The following NDUFA7 variants were observed in gnomAD, a reference collection of about 807,000 sequenced individuals.
NDUFA7 encodes the protein NADH:ubiquinone oxidoreductase subunit A7, also known as NADH dehydrogenase [ubiquinone] 1 alpha subcomplex subunit 7.
In NDUFA7, 18 loss-of-function variants were observed where a neutral mutation model predicts 14.2. That is an observed-to-expected ratio of 1.27 (90% CI 0.88 to 1.88). NDUFA7 has a LOEUF of 1.88. Ranked by LOEUF, NDUFA7 falls within the 40% of genes most tolerant of loss-of-function variation. The probability of loss-of-function intolerance (pLI) is 0.00; values close to 1 mark genes in which losing one functional copy is unlikely to be tolerated. For synonymous variants in NDUFA7, 75 were observed against 62.1 expected, an observed-to-expected ratio of 1.21 and a Z score of -0.98; for missense variants, 172 against 147.3, an observed-to-expected ratio of 1.17 and a Z score of -0.87.
chr19:8,309,398 C>T (rs3760679), downstream of NDUFA7, among the ~76,000 whole-genome samples: 56,289 of 151,368 alleles, frequency 0.37, 10,566 homozygotes, highest in East Asian at 0.38. Flanking sequence ...CGCTTGAACC[C>T]GGGAGGCGGA....
At chr19:8,317,563 AG>A (rs1476368759) in intron 2 of NDUFA7, among the ~76,000 whole-genome samples, 2 of 152,190 alleles carry the variant, frequency 1.3e-5, no homozygotes, top group Non-Finnish European at 2.9e-5. Flanking sequence ...GAGGGAGGAG[AG>A]AAGACAGCAA....
In NDUFA7 at chr19:8,311,596, C is replaced by T; in HGVS notation, c.252-1G>A. ...CTTCTCAGTGGCAGCTACAGCAGAG[C>T]TGGAGGAGGGAAAGACTTCAGTGAG... On this transcript the variant is annotated splice_acceptor_variant, in intron 3 of 3. Transcript: ENST00000301457. LOFTEE classifies it high-confidence loss of function. 1.9e-6 allele frequency: 3 copies of T among 1,611,050 alleles called. No homozygotes were observed. The highest frequency in any genetic ancestry group is 2.5e-6 in the Non-Finnish European group (3 of 1,178,584).
At chr19:8,312,832 T>C (rs1970193489) in intron 3 of NDUFA7, among the ~76,000 whole-genome samples, 1 of 151,968 alleles carries the variant, frequency 6.6e-6, no homozygotes, top group South Asian at 2.1e-4. Flanking sequence ...ACCCGGCTAA[T>C]TTTTGTATTT....
In NDUFA7 at chr19:8,318,659, C is replaced by A. The variant is rs1169307646; in HGVS notation, c.102-2014G>T. ...CCAGCCTGGGTCACAGAAACCCAGT[C>A]TTACAAAAAAAAAAAAAAAAAAAAA... On this transcript the variant is annotated intron_variant, in intron 2 of 3. Coordinates refer to ENST00000301457, the MANE Select transcript of NDUFA7 (RefSeq NM_005001.5). Among the ~76,000 whole-genome samples the A allele has an allele frequency of 1.0e-4, 8 of 79,632 alleles. No homozygotes were observed. In the East Asian group the frequency reaches 2.0e-3, roughly 20 times the overall value. The allele number at this position is 79,632 out of a possible 152,430, so 52.2% of individuals were successfully genotyped here.
downstream of NDUFA7, chr19:8,308,724 C>G (rs1246114279): frequency 8.6e-6 from 2 of 233,002 alleles, no homozygotes; most frequent in Non-Finnish European, 1.7e-5. Flanking sequence ...GTTTGTTGTC[C>G]GAGTCCCCAT....
At chr19:8,319,187 T>A (rs536149099) in intron 2 of NDUFA7, 1 of 152,220 alleles carries the variant, frequency 6.6e-6, no homozygotes, top group South Asian at 2.1e-4. Flanking sequence ...GATAGGTTGA[T>A]CTTTGATCTT....
chr19:8,317,828 T>C (rs1970253572), intron 2 of NDUFA7, among the ~76,000 whole-genome samples: 1 of 152,108 alleles, frequency 6.6e-6, no homozygotes, highest in Non-Finnish European at 1.5e-5. Context: ...CACATCTGGC[T>C]AAAAACAATT....
chr19:8,320,999 C>T, intron 1 of NDUFA7, 93 bp from the exon 2 acceptor site: 1 of 1,423,054 alleles, frequency 7.0e-7, no homozygotes, highest in Middle Eastern at 1.8e-4. Flanking sequence ...CGGGGATGCG[C>T]ATTTTAAGGG....
At chr19:8,312,566 C>T (rs566249965) in intron 3 of NDUFA7, among the ~76,000 whole-genome samples, 3 of 152,264 alleles carry the variant, frequency 2.0e-5, no homozygotes, top group Non-Finnish European at 2.9e-5. Flanking sequence ...CTGCAACGTC[C>T]GCCTCCCAGG....
Position 8,315,265 on chromosome 19 carries a change from G to GTCCCCCAGCCCGACACCC in NDUFA7, c.251+1230_251+1231insGGGTGTCGGGCTGGGGGA, listed in dbSNP as rs1178734504. On this transcript the variant is annotated intron_variant, in intron 3 of 3. Coordinates refer to ENST00000301457, the MANE Select transcript of NDUFA7 (RefSeq NM_005001.5). ...CCTGACCGTCCCCCAGCCCGACACC[G>GTCCCCCAGCCCGACACCC]GTAAAGGGTCTGTGATGAGGAGGAT... 4.6e-5 allele frequency among the ~76,000 whole-genome samples: 7 copies of GTCCCCCAGCCCGACACCC among 152,112 alleles called. 1 individual carries two copies. Among genetic ancestry groups the GTCCCCCAGCCCGACACCC allele is most frequent in the African/African-American group, 1.4e-4 (6 of 41,466 alleles).
rs138067065 is a variant in NDUFA7 at position 8,314,494 on chromosome 19, G to T, written c.251+2002C>A. ...GACTAAATGAGCTCTTGCTGAGCAT[G>T]GTGACTCTCACTTGTAGTCCCAGCT... On this transcript the variant is annotated intron_variant, in intron 3 of 3. Coordinates refer to ENST00000301457, the MANE Select transcript of NDUFA7 (RefSeq NM_005001.5). Among the ~76,000 whole-genome samples the T allele has an allele frequency of 1.4e-3, 214 of 152,228 alleles. 2 individuals are homozygous for T. The highest frequency in any genetic ancestry group is 4.7e-3 in the African/African-American group (194 of 41,526).
chr19:8,311,001 C>T (rs748812468), downstream of NDUFA7, among the ~76,000 whole-genome samples: 29 of 152,092 alleles, frequency 1.9e-4, no homozygotes, highest in Non-Finnish European at 1.6e-4. Flanking sequence ...GTGACAAGCG[C>T]GAAAACTCTG....
intron 2 of NDUFA7, among the ~76,000 whole-genome samples, chr19:8,319,716 C>G (rs985538310): frequency 6.6e-6 from 1 of 152,048 alleles, no homozygotes; most frequent in Non-Finnish European, 1.5e-5. Flanking sequence ...CTCTGCCTAC[C>G]CTTTGACTTC....
intron 1 of NDUFA7, 142 bp from the exon 2 acceptor site, chr19:8,321,048 C>T: frequency 1.0e-6 from 1 of 1,002,314 alleles, no homozygotes; most frequent in Non-Finnish European, 1.5e-6. Context: ...GGATGTGGGT[C>T]CTGCAGGTGA....
chr19:8,316,535 G>T lies in NDUFA7; in HGVS notation c.212C>A (p.Ser71Ter). 1.2e-6 allele frequency: 2 copies of T among 1,614,054 alleles called. No homozygotes were observed. Among genetic ancestry groups the T allele is most frequent in the Non-Finnish European group, 1.7e-6 (2 of 1,180,016 alleles). ...GCCTGACACCAGCGCCTTCTGCGACGACATGATGATGGAAGGGGGCACAGA... is the reference window on the plus strand; with the variant it reads ...GCCTGACACCAGCGCCTTCTGCGACTACATGATGATGGAAGGGGGCACAGA... ...RESVPPSIIM[S>*]SQKALVSGKP... Residue 71 changes from serine to a stop codon, truncating the protein, a stop_gained, in exon 3 of 4, where the codon TCG becomes TAG. Coordinates refer to ENST00000301457, the MANE Select transcript of NDUFA7 (RefSeq NM_005001.5). LOFTEE classifies it high-confidence loss of function.
At chr19:8,319,396 T>TA (rs1346230963) in intron 2 of NDUFA7, 1 of 151,922 alleles carries the variant, frequency 6.6e-6, no homozygotes, top group African/African-American at 2.4e-5. Flanking sequence ...CCGTTTCTAC[T>TA]AAAAATACAA....
rs868068672 is a variant in NDUFA7 at position 8,312,805 on chromosome 19, C to T, written c.252-1210G>A. ...TCAGCCCTTCAAGTAGCTGGGCCTA[C>T]GGGTGCACACCACCACACCCGGCTA... On this transcript the variant is annotated intron_variant, in intron 3 of 3. Transcript: ENST00000301457. 4.6e-5 allele frequency among the ~76,000 whole-genome samples: 7 copies of T among 152,278 alleles called. No individual in the cohort carries two copies. In the Middle Eastern group the frequency reaches 0.01, roughly 222 times the overall value.
rs751073929 is a variant in NDUFA7, at chr19:8,320,915, A to C, written c.52-9T>G. The C allele has an allele frequency of 1.9e-6, 3 of 1,613,654 alleles. No individual in the cohort carries two copies. In the East Asian group the frequency reaches 6.7e-5, roughly 36 times the overall value. ...TTCCCCTGCAGGTCATGCTGTGGGA[A>C]GAGGAGAGGAGAGGTCGGCCTGCAA... On this transcript the variant is annotated splice_polypyrimidine_tract_variant and intron_variant, in intron 1 of 3. Transcript: ENST00000301457.
chr19:8,316,286 T>C (rs1024699375), intron 3 of NDUFA7, among the ~76,000 whole-genome samples: 4 of 152,042 alleles, frequency 2.6e-5, no homozygotes, highest in Admixed American at 6.6e-5. Flanking sequence ...GATTGCGCCA[T>C]TGCACTTCAT....
Sources: gnomAD v4.1 joint callset for allele counts (sites outside exome capture counted in the v4.1 genomes callset) on GRCh38, gnomAD v4.1.1 for gene constraint, MANE v1.5 for transcripts, NCBI Gene and HGNC (gene_info 2026-07-23, HGNC 2026-07-21) for gene names.